GSG1L: variants seen among roughly 807,000 people sequenced by gnomAD.
GSG1L encodes GSG1 like, also known as germ cell-specific gene 1-like protein.
In GSG1L, 24 loss-of-function variants were observed where a neutral mutation model predicts 42.1. The ratio of observed to expected loss-of-function variants is 0.57; its 90% confidence interval spans 0.41 to 0.80. The LOEUF is 0.80. Among genes scored for constraint, GSG1L ranks in the 30% least tolerant of loss-of-function variants. GSG1L has a pLI of 0.00. For synonymous variants in GSG1L, 215 were observed against 203.5 expected (o/e 1.06, Z -0.48); for missense variants, 445 against 472.2 (o/e 0.94, Z 0.53).
At chr16:27,947,501 A>G (rs2084890908) in intron 2 of GSG1L, among the ~76,000 whole-genome samples, 1 of 151,206 alleles carries the variant, frequency 6.6e-6, no homozygotes, top group East Asian at 1.9e-4. Flanking sequence ...AAGAAAGAGA[A>G]AGAAAGAAGG....
intron 1 of GSG1L, among the ~76,000 whole-genome samples, chr16:27,993,561 T>C (rs892754392): frequency 6.6e-6 from 1 of 152,114 alleles, no homozygotes; most frequent in East Asian, 1.9e-4. Context: ...CTGCCCAATA[T>C]AATCAAAGAA....
chr16:27,933,648 C>CAAA (rs55936452), intron 2 of GSG1L, among the ~76,000 whole-genome samples: 12,103 of 94,122 alleles, frequency 0.13, 1,090 homozygotes, highest in Non-Finnish European at 0.18. Context: ...GACTTTGTCA[C>CAAA]AAAAAAAAAA....
At chr16:28,060,520 T>C (rs1350367140) in intron 1 of GSG1L, among the ~76,000 whole-genome samples, 1 of 152,224 alleles carries the variant, frequency 6.6e-6, no homozygotes, top group Non-Finnish European at 1.5e-5. Context: ...TTCTTTTATT[T>C]ATGCAACAAA....
chr16:27,792,436 T>C (rs2082766077), intron 6 of GSG1L, among the ~76,000 whole-genome samples: 1 of 152,174 alleles, frequency 6.6e-6, no homozygotes, highest in Non-Finnish European at 1.5e-5. Context: ...CTTCGTGTTT[T>C]TGGCAATTTT....
intron 4 of GSG1L, among the ~76,000 whole-genome samples, chr16:27,842,195 T>C (rs11642240): frequency 4.3e-5 from 6 of 140,894 alleles, no homozygotes; most frequent in African/African-American, 8.2e-5. Context: ...GAATTTCACA[T>C]CAGTAGCACG....
intron 1 of GSG1L, among the ~76,000 whole-genome samples, chr16:28,022,294 A>C (rs2085853476): frequency 6.6e-6 from 1 of 151,862 alleles, no homozygotes; most frequent in Non-Finnish European, 1.5e-5. Flanking sequence ...TTAAATCGTA[A>C]ATCATCTTTT....
chr16:27,901,210 G>C (rs965404240), intron 2 of GSG1L, among the ~76,000 whole-genome samples: 3 of 152,148 alleles, frequency 2.0e-5, no homozygotes, highest in Non-Finnish European at 4.4e-5. Context: ...TCTAGTGCAC[G>C]TCTAATAACT....
intron 2 of GSG1L, among the ~76,000 whole-genome samples, chr16:27,893,994 C>G (rs1567508539): frequency 2.6e-5 from 4 of 152,244 alleles, no homozygotes. Flanking sequence ...TTCAAGTTAT[C>G]CTCCAGCCCT....
In GSG1L at chr16:27,788,328, A is replaced by T. The variant is rs1389959381; in HGVS notation, c.*3042T>A. The T allele has an allele frequency of 6.6e-6, 1 of 152,152 alleles. No individual in the cohort carries two copies. Among genetic ancestry groups the T allele is most frequent in the Non-Finnish European group, 1.5e-5 (1 of 68,030 alleles). The allele number at this position is 152,152 out of a possible 1,614,324, so 9.4% of individuals were successfully genotyped here. A position where few individuals can be genotyped will look rare whatever the true frequency, so the allele number is the denominator to read the frequency against. ...TAAGAGGGATGAGGAAGGGAGAAGC[A>T]TCTCCCACAACTATTCTGTGCCCAT... On this transcript the variant is annotated 3_prime_UTR_variant, in exon 7 of 7. Transcript: ENST00000447459.
intron 1 of GSG1L, among the ~76,000 whole-genome samples, chr16:27,982,525 G>A (rs761795475): frequency 6.6e-6 from 1 of 152,158 alleles, no homozygotes; most frequent in Non-Finnish European, 1.5e-5. Flanking sequence ...GGGCTCTAAG[G>A]CTCCATGAAA....
chr16:27,817,103 G>A (rs1439598846), intron 5 of GSG1L, among the ~76,000 whole-genome samples: 1 of 152,204 alleles, frequency 6.6e-6, no homozygotes, highest in African/African-American at 2.4e-5. Context: ...ACTGAGGGAG[G>A]GTTTCAGGGA....
intron 2 of GSG1L, among the ~76,000 whole-genome samples, chr16:27,930,125 A>T (rs1015093798): frequency 5.9e-5 from 9 of 151,786 alleles, no homozygotes; most frequent in African/African-American, 2.2e-4. Flanking sequence ...TGCATTCTAG[A>T]TCCCTCATCT....
intron 2 of GSG1L, among the ~76,000 whole-genome samples, chr16:27,924,190 A>T (rs1279421059): frequency 1.3e-5 from 2 of 151,610 alleles, no homozygotes; most frequent in African/African-American, 4.8e-5. Context: ...ATGTCTATAT[A>T]CACAAATATA....
chr16:27,804,885 G>A (rs1207143030), intron 6 of GSG1L, among the ~76,000 whole-genome samples: 1 of 21,182 alleles, frequency 4.7e-5, no homozygotes. Flanking sequence ...GATTGGGGGC[G>A]GAGGAGGGCT....
At chr16:27,948,898 C>T (rs7206018) in intron 2 of GSG1L, among the ~76,000 whole-genome samples, 68,137 of 147,064 alleles carry the variant, frequency 0.46, 15,954 homozygotes, top group African/African-American at 0.53. Flanking sequence ...TGTGAACCAC[C>T]GCACCTGATC....
intron 3 of GSG1L, among the ~76,000 whole-genome samples, chr16:27,882,252 C>T (rs2083967389): frequency 6.6e-6 from 1 of 152,136 alleles, no homozygotes; most frequent in South Asian, 2.1e-4. Flanking sequence ...TTGCCTTCCA[C>T]CATGATTGTG....
At chr16:28,057,296 G>A (rs1345002143) in intron 1 of GSG1L, among the ~76,000 whole-genome samples, 1 of 152,192 alleles carries the variant, frequency 6.6e-6, no homozygotes, top group African/African-American at 2.4e-5. Flanking sequence ...TGCGGGGCAA[G>A]GTGGGACGCA....
chr16:27,978,456 G>C (rs1438595247), intron 1 of GSG1L, among the ~76,000 whole-genome samples: 1 of 151,778 alleles, frequency 6.6e-6, no homozygotes, highest in Non-Finnish European at 1.5e-5. Context: ...ACTTTGGGAA[G>C]CCAAGGTGGG....
intron 5 of GSG1L, among the ~76,000 whole-genome samples, chr16:27,809,278 T>G (rs2083003474): frequency 6.6e-6 from 1 of 152,024 alleles, no homozygotes; most frequent in Non-Finnish European, 1.5e-5. Flanking sequence ...TGGTGTGTGC[T>G]TCTAGTCCCA....
Sources: allele counts gnomAD v4.1 joint callset (sites outside exome capture counted in the v4.1 genomes callset), GRCh38; gene constraint gnomAD v4.1.1; transcripts MANE v1.5; gene names NCBI Gene and HGNC (gene_info 2026-07-23, HGNC 2026-07-21).